The following ZMYM2 variants were observed in gnomAD, a reference collection of about 807,000 sequenced individuals.
The protein encoded by ZMYM2 is zinc finger MYM-type containing 2, also known as zinc finger MYM-type protein 2.
ZMYM2 carries 56 observed loss-of-function variants against 162.8 expected under a neutral mutation model. That is an observed-to-expected ratio of 0.34 (90% CI 0.28 to 0.43). The LOEUF (loss-of-function observed/expected upper bound fraction) is 0.43. Ranked by LOEUF, ZMYM2 falls within the 20% of genes least tolerant of loss-of-function variation. The pLI is 1.00. For synonymous variants in ZMYM2, 510 were observed against 541.6 expected (o/e 0.94, Z 0.81); for missense variants, 1,275 against 1,621.8 (o/e 0.79, Z 3.67).
Position 20,002,999 on chromosome 13 carries a change from A to G in ZMYM2, c.997A>G (p.Asn333Asp), listed in dbSNP as rs1950501994. The G allele has an allele frequency of 6.2e-7, 1 of 1,614,152 alleles. No individual in the cohort carries two copies. The highest frequency in any genetic ancestry group is 1.3e-5 in the African/African-American group (1 of 75,042). Reference protein sequence around the residue: ...PTKPVKVTCANCKKPLQKGQT... With the variant: ...PTKPVKVTCADCKKPLQKGQT... ...TAAACCAGTTAAAGTCACTTGTGCAAACTGCAAAAAACCTTTACAGAAGGG... is the reference window on the plus strand; with the variant it reads ...TAAACCAGTTAAAGTCACTTGTGCAGACTGCAAAAAACCTTTACAGAAGGG... Residue 333 changes from asparagine to aspartate, a missense_variant, in exon 4 of 25, where the codon AAC becomes GAC. Asn to Asp is a conservative substitution (Grantham distance 23). Transcript: ENST00000610343.
chr13:20,044,870 T>G lies in ZMYM2; in HGVS notation c.2293-6563T>G, dbSNP rs570122261. ...TTCAAGACCAGCCTGGCCAACATGG[T>G]AAAACCCCGTCTCTACTAAAAATAC... On this transcript the variant is annotated intron_variant, in intron 12 of 24. Coordinates refer to ENST00000610343, the MANE Select transcript of ZMYM2 (RefSeq NM_197968.4). 2.6e-5 allele frequency among the ~76,000 whole-genome samples: 4 copies of G among 151,662 alleles called. No individual in the cohort carries two copies. In the East Asian group the frequency reaches 5.8e-4, roughly 22 times the overall value.
chr13:20,026,452 T>TTTTAGC, intron 7 of ZMYM2, 160 bp from the exon 8 acceptor site: 1 of 586,302 alleles, frequency 1.7e-6, no homozygotes. Context: ...AGTTGTTGCA[T>TTTTAGC]AGTTAATAGT....
chr13:20,026,403 C>G (rs1365673520), intron 7 of ZMYM2: 9 of 419,426 alleles, frequency 2.1e-5, no homozygotes, highest in Non-Finnish European at 3.8e-5. Context: ...TTTTTGAAGG[C>G]GACTTAGCTG....
the ZMYM2 span, among the ~76,000 whole-genome samples, chr13:19,888,866 G>A: frequency 6.6e-6 from 1 of 151,988 alleles, no homozygotes; most frequent in East Asian, 1.9e-4. Flanking sequence ...CCCAAAGGCT[G>A]GGATTACAGG....
the ZMYM2 span, among the ~76,000 whole-genome samples, chr13:19,929,770 A>G: frequency 1.3e-5 from 2 of 152,148 alleles, no homozygotes; most frequent in Non-Finnish European, 2.9e-5. Context: ...TTTGGAGCAT[A>G]TTTATTTCTC....
intron 9 of ZMYM2, among the ~76,000 whole-genome samples, chr13:20,031,011 A>C (rs746723484): frequency 5.9e-5 from 9 of 152,098 alleles, no homozygotes; most frequent in Non-Finnish European, 1.3e-4. Flanking sequence ...ACTTAACCTC[A>C]CTATTATTTG....
intron 3 of ZMYM2, among the ~76,000 whole-genome samples, chr13:19,995,069 T>A (rs1335078628): frequency 6.6e-6 from 1 of 151,814 alleles, no homozygotes; most frequent in East Asian, 1.9e-4. Flanking sequence ...GGTCTTATAC[T>A]CCTGGGCTCA....
At chr13:19,925,581 G>A in the ZMYM2 span, among the ~76,000 whole-genome samples, 2 of 151,874 alleles carry the variant, frequency 1.3e-5, no homozygotes, top group Non-Finnish European at 2.9e-5. Context: ...TGTATCAAAG[G>A]TGTAATACTG....
At position 20,083,005 on chromosome 13, in the gene ZMYM2, T is replaced by C. The variant is rs752543435; in HGVS notation, c.3793T>C (p.Ser1265Pro). ...ENKACLRYQVSSLCGTDNEDK... is the reference protein window; with the variant it reads ...ENKACLRYQVPSLCGTDNEDK... ...CAAAGCGTGTCTTCGATACCAAGTGTCTTCCTTGTGTGGAACAGATAATGA... is the reference window on the plus strand; with the variant it reads ...CAAAGCGTGTCTTCGATACCAAGTGCCTTCCTTGTGTGGAACAGATAATGA... Residue 1265 changes from serine (S) to proline (P), a missense_variant, in exon 23 of 25, where the codon TCT becomes CCT. Physicochemically the swap from Ser to Pro is moderately conservative, Grantham distance 74 (BLOSUM62 -1). Transcript: ENST00000610343. The C allele has an allele frequency of 6.2e-7, 1 of 1,613,518 alleles. No homozygotes were observed. The highest frequency in any genetic ancestry group is 8.5e-7 in the Non-Finnish European group (1 of 1,179,576).
chr13:20,009,408 G>A (rs1217132791), intron 6 of ZMYM2, among the ~76,000 whole-genome samples: 2 of 152,214 alleles, frequency 1.3e-5, no homozygotes, highest in South Asian at 2.1e-4. Flanking sequence ...TAAACATTGT[G>A]GTAGACTATA....
chr13:19,994,918 G>C (rs1052186384), intron 3 of ZMYM2, among the ~76,000 whole-genome samples: 6 of 151,308 alleles, frequency 4.0e-5, no homozygotes, highest in African/African-American at 1.2e-4. Flanking sequence ...CTGCAACCTC[G>C]ACTTCTTGAG....
At chr13:19,974,736 C>T (rs1001516380) in intron 2 of ZMYM2, among the ~76,000 whole-genome samples, 9 of 152,128 alleles carry the variant, frequency 5.9e-5, no homozygotes, top group African/African-American at 2.2e-4. Flanking sequence ...TCCCGAAGTG[C>T]TGGGATTACA....
At chr13:19,911,044 C>CTTTT in the ZMYM2 span, among the ~76,000 whole-genome samples, 16 of 89,300 alleles carry the variant, frequency 1.8e-4, no homozygotes, top group African/African-American at 5.0e-4. Flanking sequence ...AGTTCCCAGT[C>CTTTT]TTTTTTTTTT....
the ZMYM2 span, among the ~76,000 whole-genome samples, chr13:19,932,905 C>A: frequency 1.3e-5 from 2 of 152,126 alleles, no homozygotes; most frequent in East Asian, 3.8e-4. Flanking sequence ...TTTTTCATGG[C>A]AGTCTGAGCT....
intron 2 of ZMYM2, among the ~76,000 whole-genome samples, chr13:19,968,764 G>A (rs963258240): frequency 5.3e-5 from 8 of 152,130 alleles, no homozygotes; most frequent in African/African-American, 1.9e-4. Context: ...GCAAAAACTT[G>A]AGAAATTTCT....
At chr13:19,951,439 C>T in the ZMYM2 span, among the ~76,000 whole-genome samples, 1 of 148,920 alleles carries the variant, frequency 6.7e-6, no homozygotes, top group Non-Finnish European at 1.5e-5. Flanking sequence ...CCTGTAATCC[C>T]AGCGCTTTGG....
At chr13:19,970,326 A>T (rs773072700) in intron 2 of ZMYM2, among the ~76,000 whole-genome samples, 2 of 152,146 alleles carry the variant, frequency 1.3e-5, no homozygotes, top group Non-Finnish European at 2.9e-5. Context: ...GATCACAGGG[A>T]TAGGGTATGA....
chr13:19,923,697 G>A, the ZMYM2 span, among the ~76,000 whole-genome samples: 1 of 119,170 alleles, frequency 8.4e-6, no homozygotes, highest in African/African-American at 3.3e-5. Flanking sequence ...TTTTGATGGA[G>A]TCTCGCTCTG....
At chr13:19,995,851 C>T (rs1949978986) in intron 3 of ZMYM2, among the ~76,000 whole-genome samples, 1 of 152,174 alleles carries the variant, frequency 6.6e-6, no homozygotes, top group Non-Finnish European at 1.5e-5. Context: ...GTTAGCTAGG[C>T]ATAGTGGTGC....
Sources: gnomAD v4.1 joint callset for allele counts (sites outside exome capture counted in the v4.1 genomes callset) on GRCh38, gnomAD v4.1.1 for gene constraint, MANE v1.5 for transcripts, NCBI Gene and HGNC (gene_info 2026-07-23, HGNC 2026-07-21) for gene names.